The following OR2L13 variants were observed in gnomAD, a reference collection of about 807,000 sequenced individuals.
The protein encoded by OR2L13 is olfactory receptor family 2 subfamily L member 13.
OR2L13 carries 14 observed loss-of-function variants against 15.3 expected under a neutral mutation model. That is an observed-to-expected ratio of 0.91 (90% CI 0.60 to 1.43). The LOEUF (loss-of-function observed/expected upper bound fraction) is 1.43. OR2L13 is among the 40% of genes most tolerant of loss of function. The probability of loss-of-function intolerance (pLI) is 0.00; values close to 1 mark genes in which losing one functional copy is unlikely to be tolerated. For synonymous variants in OR2L13, 152 were observed against 142.9 expected (o/e 1.06, Z -0.45); for missense variants, 367 against 387.9 (o/e 0.95, Z 0.45).
Position 248,099,819 on chromosome 1 carries a change from G to A in OR2L13, c.444G>A (p.Trp148Ter), listed in dbSNP as rs1277836729. ...GTGTGAAGATGATTGGAGGCTCTTG[G>A]ACACTGGGGTCCATCAACTCCTTGG... The change falls in exon 3 of 3, where the codon TGG becomes TGA. Residue 148 changes from tryptophan to a stop codon, truncating the protein, a stop_gained. Transcript: ENST00000641714. LOFTEE classifies it high-confidence loss of function. 1.2e-6 allele frequency: 2 copies of A among 1,613,906 alleles called. No individual in the cohort carries two copies. Among genetic ancestry groups the A allele is most frequent in the East Asian group, 2.2e-5 (1 of 44,884 alleles).
At chr1:248,084,339 C>T in the OR2L13 span, 23 of 1,612,708 alleles carry the variant, frequency 1.4e-5, no homozygotes, top group East Asian at 2.2e-5. Context: ...GGCCTTATTT[C>T]CGGTCAAGTA....
the OR2L13 span, chr1:248,038,718 A>C: frequency 2.5e-6 from 4 of 1,614,108 alleles, no homozygotes; most frequent in East Asian, 6.7e-5. Flanking sequence ...TTGGATGATA[A>C]GCTCTATCAA....
intron 2 of OR2L13, 40 bp from the exon 3 acceptor site, chr1:248,099,318 G>A: frequency 1.2e-5 from 14 of 1,158,264 alleles, no homozygotes; most frequent in South Asian, 7.1e-5. Flanking sequence ...TTTATTTCAT[G>A]TTTTGTGCTT....
At chr1:248,084,727 A>G in the OR2L13 span, 4 of 1,371,870 alleles carry the variant, frequency 2.9e-6, no homozygotes, top group Non-Finnish European at 4.0e-6. Context: ...AATATTTTAG[A>G]CTTCATCTCA....
chr1:248,077,934 T>TAA, the OR2L13 span, among the ~76,000 whole-genome samples: 2 of 151,870 alleles, frequency 1.3e-5, no homozygotes, highest in Admixed American at 1.3e-4. Flanking sequence ...CTAGAATGTA[T>TAA]AAAAAAACAC....
chr1:248,040,829 A>G, the OR2L13 span: 1 of 152,154 alleles, frequency 6.6e-6, no homozygotes, highest in Admixed American at 6.5e-5. Flanking sequence ...GCGTTGTCCT[A>G]GAGTCATCTG....
chr1:247,942,088 A>G, the OR2L13 span, among the ~76,000 whole-genome samples: 364 of 152,310 alleles, frequency 2.4e-3, 7 homozygotes, highest in Middle Eastern at 3.4e-3. Context: ...GGGCCTAAAA[A>G]TAATTGGAAT....
the OR2L13 span, among the ~76,000 whole-genome samples, chr1:248,033,440 CCTT>C: frequency 6.6e-6 from 1 of 151,456 alleles, no homozygotes; most frequent in African/African-American, 2.4e-5. Flanking sequence ...TTCTTCTTCT[CCTT>C]CATTTTTTTT....
the OR2L13 span, chr1:248,024,380 G>A: frequency 6.6e-6 from 1 of 152,068 alleles, no homozygotes; most frequent in East Asian, 1.9e-4. Flanking sequence ...AAGGAAATAT[G>A]CATTCAATAT....
At chr1:248,034,113 GA>G in the OR2L13 span, among the ~76,000 whole-genome samples, 1 of 152,142 alleles carries the variant, frequency 6.6e-6, no homozygotes, top group Non-Finnish European at 1.5e-5. Flanking sequence ...GGAGGTGAGA[GA>G]ACTCTATAAG....
the OR2L13 span, chr1:248,013,614 A>G: frequency 6.6e-5 from 10 of 152,172 alleles, no homozygotes; most frequent in African/African-American, 2.2e-4. Flanking sequence ...CAATGAATGT[A>G]TACATTTCTT....
the OR2L13 span, among the ~76,000 whole-genome samples, chr1:248,025,689 G>A: frequency 2.0e-5 from 3 of 148,682 alleles, no homozygotes; most frequent in African/African-American, 7.7e-5. Context: ...GCAAAGACTT[G>A]GAACCAACCC....
the OR2L13 span, among the ~76,000 whole-genome samples, chr1:247,998,687 G>A: frequency 5.3e-5 from 8 of 152,104 alleles, no homozygotes; most frequent in Admixed American, 1.3e-4. Context: ...TTAAAAGAAG[G>A]ACCTTCTTCT....
At chr1:248,076,749 T>C in the OR2L13 span, among the ~76,000 whole-genome samples, 13 of 152,332 alleles carry the variant, frequency 8.5e-5, no homozygotes, top group South Asian at 2.1e-3. Context: ...TGGGCTGAGA[T>C]GATGGGGTTT....
chr1:247,955,451 TG>T, the OR2L13 span, among the ~76,000 whole-genome samples: 1 of 151,820 alleles, frequency 6.6e-6, no homozygotes, highest in African/African-American at 2.4e-5. Flanking sequence ...TATAATCCTT[TG>T]GGTATATACC....
the OR2L13 span, among the ~76,000 whole-genome samples, chr1:248,011,423 T>G: frequency 2.0e-5 from 3 of 152,104 alleles, no homozygotes; most frequent in African/African-American, 7.2e-5. Flanking sequence ...GACAATTATG[T>G]GTTGTAGGGT....
chr1:248,056,815 A>T, the OR2L13 span, among the ~76,000 whole-genome samples: 2 of 151,414 alleles, frequency 1.3e-5, no homozygotes, highest in African/African-American at 2.4e-5. Flanking sequence ...ACTCGGCTAA[A>T]TTTTTTTGGA....
chr1:248,099,070 C>A lies in OR2L13; in HGVS notation c.-18-288C>A, dbSNP rs1387112241. ...GAAGACATGCTTAAGCCATAAATTA[C>A]AATTGTTCTACTGCTCACACTGGCT... On this transcript the variant is annotated intron_variant, in intron 2 of 2. Transcript: ENST00000641714. Among the ~76,000 whole-genome samples the A allele has an allele frequency of 2.0e-5, 3 of 152,284 alleles. No individual in the cohort carries two copies. The East Asian group carries it at 5.8e-4, about 29-fold the overall frequency.
chr1:248,011,291 G>A, the OR2L13 span, among the ~76,000 whole-genome samples: 8 of 152,146 alleles, frequency 5.3e-5, no homozygotes, highest in African/African-American at 1.9e-4. Flanking sequence ...TTCTCTTCTC[G>A]CTTATAGGGT....
Sources: gnomAD v4.1 joint callset for allele counts (sites outside exome capture counted in the v4.1 genomes callset) on GRCh38, gnomAD v4.1.1 for gene constraint, MANE v1.5 for transcripts, NCBI Gene and HGNC (gene_info 2026-07-23, HGNC 2026-07-21) for gene names.